ROBO2: variants seen among roughly 807,000 people sequenced by gnomAD.
The protein encoded by ROBO2 is roundabout homolog 2.
In ROBO2, 53 loss-of-function variants were observed where a neutral mutation model predicts 160.8. The ratio of observed to expected loss-of-function variants is 0.33; its 90% CI spans 0.26 to 0.41. ROBO2 has a LOEUF of 0.41. Among genes scored for constraint, ROBO2 ranks in the 10% least tolerant of loss-of-function variants. ROBO2 has a pLI of 1.00. For missense variants in ROBO2, 1,577 were observed against 1,722.4 expected (o/e 0.92, Z 1.49); for synonymous variants, 664 against 611.7 (o/e 1.09, Z -1.26).
intron 1 of ROBO2, among the ~76,000 whole-genome samples, chr3:77,059,935 C>T (rs1449805277): frequency 6.6e-6 from 1 of 151,986 alleles, no homozygotes; most frequent in African/African-American, 2.4e-5. Context: ...GTATATACTA[C>T]ACCAGGGGGG....
At chr3:77,602,082 C>T (rs1305565756) in intron 19 of ROBO2, 128 bp from the exon 21 acceptor site, 25 of 922,764 alleles carry the variant, frequency 2.7e-5, no homozygotes, top group Non-Finnish European at 4.4e-5. Flanking sequence ...CCTTCAGTGG[C>T]TCATGAAGCC....
intron 6 of ROBO2, among the ~76,000 whole-genome samples, chr3:77,539,670 G>C (rs1183068171): frequency 6.6e-6 from 1 of 151,944 alleles, no homozygotes; most frequent in Non-Finnish European, 1.5e-5. Context: ...TCACTGTTTT[G>C]GGCTTTTCTA....
At chr3:76,663,906 G>GA (rs553889408) in intron 2 of ROBO2, among the ~76,000 whole-genome samples, 3,052 of 140,086 alleles carry the variant, frequency 0.022, 31 homozygotes, top group Non-Finnish European at 0.024. Context: ...TCCATCTCAG[G>GA]AAAAAAAAAA....
intron 6 of ROBO2, among the ~76,000 whole-genome samples, chr3:77,541,218 C>T (rs559141476): frequency 4.6e-5 from 7 of 152,304 alleles, no homozygotes; most frequent in African/African-American, 1.7e-4. Context: ...ATGCTAATGC[C>T]TGCCATAGGA....
chr3:76,741,234 A>G (rs2108038721), intron 2 of ROBO2, among the ~76,000 whole-genome samples: 1 of 152,188 alleles, frequency 6.6e-6, no homozygotes, highest in Admixed American at 6.5e-5. Flanking sequence ...TCAAATCCAG[A>G]TAAAAATTTC....
At chr3:75,998,502 C>A (rs2065792349) in intron 2 of ROBO2, among the ~76,000 whole-genome samples, 1 of 152,042 alleles carries the variant, frequency 6.6e-6, no homozygotes, top group African/African-American at 2.4e-5. Flanking sequence ...GTGGCTTTTA[C>A]AGGGAACACA....
intron 2 of ROBO2, among the ~76,000 whole-genome samples, chr3:76,135,624 C>G (rs1037781337): frequency 6.6e-6 from 1 of 152,002 alleles, no homozygotes. Flanking sequence ...GAGGAAGTCG[C>G]GACTGTTCTA....
At chr3:76,269,687 C>T (rs1321914024) in intron 2 of ROBO2, among the ~76,000 whole-genome samples, 6 of 151,730 alleles carry the variant, frequency 4.0e-5, no homozygotes, top group African/African-American at 7.3e-5. Flanking sequence ...ATAATTATAA[C>T]CTCCCTTACA....
At chr3:76,834,243 C>T (rs1576935471) in intron 2 of ROBO2, among the ~76,000 whole-genome samples, 1 of 149,486 alleles carries the variant, frequency 6.7e-6, no homozygotes, top group East Asian at 2.0e-4. Context: ...CTTACTATGT[C>T]ACCCAAGCTG....
chr3:77,103,951 A>G (rs934167317), intron 2 of ROBO2, among the ~76,000 whole-genome samples: 9 of 152,268 alleles, frequency 5.9e-5, no homozygotes, highest in Admixed American at 2.0e-4. Context: ...TTGGCTGTAA[A>G]TGCATCTTAT....
chr3:77,121,072 G>A (rs2074714962), intron 2 of ROBO2, among the ~76,000 whole-genome samples: 1 of 151,930 alleles, frequency 6.6e-6, no homozygotes, highest in African/African-American at 2.4e-5. Flanking sequence ...AGCCTCCCAA[G>A]CAGCTGGGAT....
chr3:76,688,803 C>T (rs1054430446), intron 2 of ROBO2, among the ~76,000 whole-genome samples: 2 of 152,006 alleles, frequency 1.3e-5, no homozygotes, highest in African/African-American at 4.8e-5. Context: ...AATTGTAACT[C>T]ATTTCATAAT....
chr3:76,230,622 C>T (rs565577638), intron 2 of ROBO2, among the ~76,000 whole-genome samples: 2 of 152,028 alleles, frequency 1.3e-5, no homozygotes, highest in Non-Finnish European at 2.9e-5. Flanking sequence ...TGTTCTCTGA[C>T]TTTTCATCTG....
chr3:76,774,745 TG>T (rs1364878217), intron 2 of ROBO2, among the ~76,000 whole-genome samples: 2 of 150,622 alleles, frequency 1.3e-5, no homozygotes, highest in African/African-American at 4.8e-5. Context: ...GTATTTTCTG[TG>T]GCTGTTTGAA....
intron 2 of ROBO2, among the ~76,000 whole-genome samples, chr3:77,407,736 A>G (rs2076368381): frequency 6.6e-6 from 1 of 152,212 alleles, no homozygotes; most frequent in Non-Finnish European, 1.5e-5. Flanking sequence ...TTTAAAAAAT[A>G]ATGCTCGTGT....
intron 2 of ROBO2, among the ~76,000 whole-genome samples, chr3:76,379,749 AC>A (rs2108541970): frequency 6.6e-6 from 1 of 152,276 alleles, no homozygotes; most frequent in African/African-American, 2.4e-5. Flanking sequence ...TCCATAGGTG[AC>A]TTTGTCATTT....
intron 1 of ROBO2, among the ~76,000 whole-genome samples, chr3:75,926,749 T>C (rs1414619226): frequency 2.0e-5 from 3 of 152,216 alleles, no homozygotes; most frequent in Non-Finnish European, 4.4e-5. Flanking sequence ...CAAAGAGCAA[T>C]ATTTGAAATG....
intron 20 of ROBO2, among the ~76,000 whole-genome samples, chr3:77,607,407 G>A (rs1019210290): frequency 6.6e-6 from 1 of 152,058 alleles, no homozygotes; most frequent in East Asian, 1.9e-4. Context: ...CTTAGACCTT[G>A]CATTTTCCAC....
chr3:76,991,105 C>G (rs2060641329), intron 2 of ROBO2, among the ~76,000 whole-genome samples: 1 of 152,086 alleles, frequency 6.6e-6, no homozygotes, highest in African/African-American at 2.4e-5. Flanking sequence ...GGCTGTAAAG[C>G]TTTTTAGTAA....
Sources: gnomAD v4.1 joint callset for allele counts (sites outside exome capture counted in the v4.1 genomes callset) on GRCh38, gnomAD v4.1.1 for gene constraint, MANE v1.5 for transcripts, NCBI Gene and HGNC (gene_info 2026-07-23, HGNC 2026-07-21) for gene names.